PHACTR4: variants seen among roughly 807,000 people sequenced by gnomAD.
The protein encoded by PHACTR4 is phosphatase and actin regulator 4.
Under a neutral mutation model 72.7 loss-of-function variants are expected in PHACTR4, and 51 were observed. The ratio of observed to expected loss-of-function variants is 0.70; its 90% CI spans 0.56 to 0.89. PHACTR4 has a LOEUF of 0.89. Among genes scored for constraint, PHACTR4 ranks in the 40% least tolerant of loss-of-function variants. The probability of loss-of-function intolerance (pLI) is 0.00; values close to 1 mark genes in which losing one functional copy is unlikely to be tolerated. For synonymous variants in PHACTR4, 255 were observed against 302.5 expected (o/e 0.84, Z 1.63); for missense variants, 731 against 861.8 (o/e 0.85, Z 1.90).
At chr1:28,376,383 C>T (rs1315870464) in intron 1 of PHACTR4, among the ~76,000 whole-genome samples, 1 of 151,426 alleles carries the variant, frequency 6.6e-6, no homozygotes, top group Non-Finnish European at 1.5e-5. Flanking sequence ...ATGATCAGGG[C>T]TCACTGAACC....
At chr1:28,392,167 T>G (rs899331630) in intron 1 of PHACTR4, among the ~76,000 whole-genome samples, 11 of 152,080 alleles carry the variant, frequency 7.2e-5, no homozygotes, top group Admixed American at 3.9e-4. Flanking sequence ...CAGCATGCCA[T>G]TCTGAGTAGT....
intron 1 of PHACTR4, among the ~76,000 whole-genome samples, chr1:28,376,461 A>G (rs1651681316): frequency 6.7e-6 from 1 of 149,326 alleles, no homozygotes; most frequent in Non-Finnish European, 1.5e-5. Context: ...GACTACAGGC[A>G]TGCACCACCA....
At chr1:28,489,402 A>G (rs370554677) in intron 10 of PHACTR4, among the ~76,000 whole-genome samples, 177 bp downstream of exon 10, 2 of 152,342 alleles carry the variant, frequency 1.3e-5, no homozygotes, top group South Asian at 4.1e-4. Flanking sequence ...CCTTTGGAAG[A>G]TGCTATTATG....
At chr1:28,419,518 A>C (rs1000072566) in intron 2 of PHACTR4, among the ~76,000 whole-genome samples, 1 of 151,700 alleles carries the variant, frequency 6.6e-6, no homozygotes, top group Non-Finnish European at 1.5e-5. Flanking sequence ...TTTGAGATGA[A>C]GTCTACCTCT....
At chr1:28,456,465 C>G (rs990798556) in intron 2 of PHACTR4, among the ~76,000 whole-genome samples, 1 of 152,088 alleles carries the variant, frequency 6.6e-6, no homozygotes, top group Non-Finnish European at 1.5e-5. Flanking sequence ...GAGATTTGAG[C>G]GGGACACATA....
chr1:28,464,603 A>G (rs1659021624), intron 4 of PHACTR4, among the ~76,000 whole-genome samples: 1 of 152,208 alleles, frequency 6.6e-6, no homozygotes, highest in South Asian at 2.1e-4. Flanking sequence ...ACTCCAGGAA[A>G]ATGATTTCTT....
intron 2 of PHACTR4, among the ~76,000 whole-genome samples, chr1:28,454,975 T>C (rs1658267497): frequency 6.6e-6 from 1 of 152,064 alleles, no homozygotes; most frequent in African/African-American, 2.4e-5. Flanking sequence ...TTCTCCTGCC[T>C]CAGCCTCCCA....
intron 1 of PHACTR4, among the ~76,000 whole-genome samples, chr1:28,406,785 T>A (rs1456664929): frequency 1.3e-5 from 2 of 152,130 alleles, no homozygotes. Context: ...AGGTTGTATA[T>A]TATACTTAGT....
intron 1 of PHACTR4, among the ~76,000 whole-genome samples, chr1:28,392,396 AT>A (rs1385516533): frequency 6.6e-6 from 1 of 151,282 alleles, no homozygotes; most frequent in African/African-American, 2.4e-5. Flanking sequence ...CCAAGGATAA[AT>A]TCCTTTTTCT....
Position 28,479,531 on chromosome 1 carries a change from C to CCAGCT in PHACTR4, c.1607-920_1607-919insCAGCT, listed in dbSNP as rs565432099. On this transcript the variant is annotated intron_variant, in intron 8 of 13. Coordinates refer to ENST00000373839, the MANE Select transcript of PHACTR4 (RefSeq NM_001048183.3). ...CTGGGAGGCGGAGGTTGCAGTGAGC[C>CCAGCT]GAGATCTTGCCACTGCACTGCAACC... Among the ~76,000 whole-genome samples the CCAGCT allele has an allele frequency of 1.0e-3, 134 of 134,310 alleles. 1 individual carries two copies. The East Asian group carries it at 0.025, about 25-fold the overall frequency. 88.1% of individuals were successfully genotyped at this position (134,310 alleles called of 152,430 possible). A position where few individuals can be genotyped will look rare whatever the true frequency, so the allele number is the denominator to read the frequency against.
chr1:28,432,202 CTG>C (rs1200300096), intron 2 of PHACTR4, among the ~76,000 whole-genome samples: 1 of 151,402 alleles, frequency 6.6e-6, no homozygotes, highest in Non-Finnish European at 1.5e-5. Flanking sequence ...GAGCGAGACT[CTG>C]TATCAAAAAA....
At chr1:28,380,166 C>T (rs552843789) in intron 1 of PHACTR4, among the ~76,000 whole-genome samples, 81 of 147,142 alleles carry the variant, frequency 5.5e-4, no homozygotes, top group Admixed American at 1.6e-3. Context: ...ACGCCATTCT[C>T]CTGCCTCAGC....
At chr1:28,423,797 T>C (rs907331284) in intron 2 of PHACTR4, among the ~76,000 whole-genome samples, 1 of 152,198 alleles carries the variant, frequency 6.6e-6, no homozygotes, top group Admixed American at 6.5e-5. Flanking sequence ...AGTTAGTATA[T>C]GTAAAATATT....
chr1:28,465,288 C>T (rs1053050002), intron 4 of PHACTR4, among the ~76,000 whole-genome samples: 1 of 151,996 alleles, frequency 6.6e-6, no homozygotes, highest in East Asian at 1.9e-4. Context: ...GGTGAAACCC[C>T]GTCTCCACTA....
chr1:28,381,103 G>T (rs2124142312), intron 1 of PHACTR4, among the ~76,000 whole-genome samples: 1 of 150,922 alleles, frequency 6.6e-6, no homozygotes. Context: ...CTGCCTCCCG[G>T]GTTCAAGCAA....
At chr1:28,478,704 T>C (rs575292083) in intron 8 of PHACTR4, among the ~76,000 whole-genome samples, 1 of 151,978 alleles carries the variant, frequency 6.6e-6, no homozygotes, top group South Asian at 2.1e-4. Context: ...TCCACCTGCC[T>C]TGGCCTCCCA....
intron 2 of PHACTR4, among the ~76,000 whole-genome samples, chr1:28,436,911 T>C (rs1239012710): frequency 6.6e-6 from 1 of 152,206 alleles, no homozygotes; most frequent in Admixed American, 6.6e-5. Flanking sequence ...CCCAAGATCA[T>C]ATGGAAATTA....
intron 2 of PHACTR4, among the ~76,000 whole-genome samples, chr1:28,416,138 A>C (rs1282908718): frequency 6.6e-6 from 1 of 152,144 alleles, no homozygotes; most frequent in Non-Finnish European, 1.5e-5. Context: ...ATACAAGCTT[A>C]ATTAGTTTTG....
intron 2 of PHACTR4, among the ~76,000 whole-genome samples, chr1:28,446,600 G>C (rs1657487832): frequency 6.6e-6 from 1 of 152,128 alleles, no homozygotes; most frequent in Non-Finnish European, 1.5e-5. Context: ...CCAACATGGT[G>C]AAACCCTGTC....
Sources: gnomAD v4.1 joint callset for allele counts (sites outside exome capture counted in the v4.1 genomes callset) on GRCh38, gnomAD v4.1.1 for gene constraint, MANE v1.5 for transcripts, NCBI Gene and HGNC (gene_info 2026-07-23, HGNC 2026-07-21) for gene names.